Variants in EVI5 observed in about 807,000 individuals in gnomAD.
The protein encoded by EVI5 is ecotropic viral integration site 5, also known as ecotropic viral integration site 5 protein homolog.
Under a neutral mutation model 112.0 loss-of-function variants are expected in EVI5, and 73 were observed. The observed-to-expected ratio is 0.65, with a 90% CI of 0.54 to 0.79. The LOEUF is 0.79. Among genes scored for constraint, EVI5 ranks in the 30% least tolerant of loss-of-function variants. The pLI, the probability that EVI5 is intolerant of heterozygous loss-of-function variation, is 0.00. For missense variants in EVI5, 900 were observed against 968.8 expected (o/e 0.93, Z 0.94); for synonymous variants, 305 against 319.9 (o/e 0.95, Z 0.50).
intron 1 of EVI5, among the ~76,000 whole-genome samples, chr1:92,751,075 G>A (rs953676984): frequency 5.3e-5 from 8 of 152,108 alleles, no homozygotes; most frequent in African/African-American, 9.7e-5. Context: ...GCATGAACCC[G>A]GGAGGCAGAG....
intron 18 of EVI5, among the ~76,000 whole-genome samples, chr1:92,602,920 T>G (rs1249167101): frequency 6.6e-6 from 1 of 152,040 alleles, no homozygotes; most frequent in Admixed American, 6.6e-5. Context: ...ACAAACATAA[T>G]GGGAGAAAAT....
intron 2 of EVI5, among the ~76,000 whole-genome samples, chr1:92,708,655 T>C (rs1392122029): frequency 6.6e-6 from 1 of 151,944 alleles, no homozygotes; most frequent in Non-Finnish European, 1.5e-5. Context: ...CATCAAAAAC[T>C]TATATACAAG....
chr1:92,592,605 C>T (rs960096359), intron 18 of EVI5, among the ~76,000 whole-genome samples: 13 of 152,212 alleles, frequency 8.5e-5, no homozygotes, highest in African/African-American at 3.1e-4. Context: ...CATTAAAAGC[C>T]CTTCAAAAAA....
chr1:92,573,436 T>C (rs1371954957), intron 18 of EVI5, among the ~76,000 whole-genome samples: 1 of 152,064 alleles, frequency 6.6e-6, no homozygotes, highest in Admixed American at 6.6e-5. Context: ...ATCTCAAATA[T>C]TATTTTATAA....
chr1:92,772,226 A>C (rs1384721983), intron 1 of EVI5, among the ~76,000 whole-genome samples: 2 of 152,132 alleles, frequency 1.3e-5, no homozygotes, highest in Admixed American at 1.3e-4. Flanking sequence ...TATAGATGGC[A>C]GAGTGGAATG....
intron 19 of EVI5, among the ~76,000 whole-genome samples, chr1:92,534,512 G>C (rs1043413200): frequency 6.6e-6 from 1 of 152,072 alleles, no homozygotes; most frequent in Non-Finnish European, 1.5e-5. Context: ...AAGGTATCAC[G>C]CTACCTGACT....
chr1:92,577,974 G>A (rs1671339195), intron 18 of EVI5, among the ~76,000 whole-genome samples: 1 of 152,078 alleles, frequency 6.6e-6, no homozygotes, highest in African/African-American at 2.4e-5. Context: ...TTTAGTGCAA[G>A]GTAGCTTTTG....
intron 18 of EVI5, among the ~76,000 whole-genome samples, chr1:92,600,896 G>A (rs988562134): frequency 8.5e-5 from 13 of 152,110 alleles, no homozygotes; most frequent in Non-Finnish European, 1.3e-4. Context: ...CCCTTCATTT[G>A]GGTATAGTTT....
intron 19 of EVI5, among the ~76,000 whole-genome samples, chr1:92,559,773 CA>C (rs34723950): frequency 6.0e-3 from 283 of 47,480 alleles, no homozygotes; most frequent in African/African-American, 0.021. Context: ...GACTCCCTCT[CA>C]AAAAAAAAAA....
intron 2 of EVI5, among the ~76,000 whole-genome samples, chr1:92,715,837 C>A (rs1207491975): frequency 6.6e-6 from 1 of 152,114 alleles, no homozygotes; most frequent in Non-Finnish European, 1.5e-5. Flanking sequence ...GGGTCCCACA[C>A]CCACAGAGCT....
chr1:92,520,387 AT>A lies in EVI5; in HGVS notation c.2167-6418del, dbSNP rs537859713. 3.5e-3 allele frequency among the ~76,000 whole-genome samples: 537 copies of A among 152,310 alleles called. 2 individuals are homozygous for A. Among genetic ancestry groups the A allele is most frequent in the Non-Finnish European group, 6.0e-3 (409 of 68,022 alleles). On this transcript the variant is annotated intron_variant, in intron 19 of 19. Transcript: ENST00000684568. ...TTCTGTTGTGAGTGACAGTTATATA[AT>A]TCTAATGATGTAAATGTAAACTAAT...
At chr1:92,758,849 A>C (rs1255894240) in intron 1 of EVI5, among the ~76,000 whole-genome samples, 1 of 152,198 alleles carries the variant, frequency 6.6e-6, no homozygotes, top group Non-Finnish European at 1.5e-5. Flanking sequence ...ACATCAAAAA[A>C]AAAAGGTGAA....
chr1:92,606,958 C>CT, intron 17 of EVI5, among the ~76,000 whole-genome samples: 1 of 151,800 alleles, frequency 6.6e-6, no homozygotes, highest in Non-Finnish European at 1.5e-5. Context: ...TTCCATCTCA[C>CT]TGCCTTTCCC....
intron 18 of EVI5, among the ~76,000 whole-genome samples, chr1:92,576,463 A>G (rs1347288634): frequency 6.6e-6 from 1 of 152,200 alleles, no homozygotes; most frequent in African/African-American, 2.4e-5. Flanking sequence ...ATTTAACATG[A>G]CTTTATTTTT....
chr1:92,679,530 T>C (rs190808721), intron 9 of EVI5, among the ~76,000 whole-genome samples: 2 of 152,160 alleles, frequency 1.3e-5, no homozygotes, highest in South Asian at 2.1e-4. Context: ...TTCAATAAAC[T>C]TAATTTAAAA....
intron 2 of EVI5, among the ~76,000 whole-genome samples, chr1:92,728,038 G>A (rs958992393): frequency 9.4e-5 from 14 of 148,964 alleles, no homozygotes; most frequent in African/African-American, 3.4e-4. Flanking sequence ...TAGAATACAA[G>A]CAAAAGGCTG....
At chr1:92,552,269 A>G (rs1378664126) in intron 19 of EVI5, among the ~76,000 whole-genome samples, 2 of 152,178 alleles carry the variant, frequency 1.3e-5, no homozygotes, top group East Asian at 1.9e-4. Context: ...CCTAAGAAAT[A>G]TAAGGCTGAA....
chr1:92,595,102 A>G lies in EVI5; in HGVS notation c.2070+10205T>C, dbSNP rs538450285. Among the ~76,000 whole-genome samples the G allele has an allele frequency of 3.9e-3, 594 of 152,080 alleles. 3 individuals are homozygous for G. Among genetic ancestry groups the G allele is most frequent in the African/African-American group, 0.014 (576 of 41,518 alleles). On this transcript the variant is annotated intron_variant, in intron 18 of 19. Transcript: ENST00000684568. ...AGGATTATAAATCATGCTGCTATAAAGACACATGCACACGTATGTTTATTG... is the reference window on the plus strand; with the variant it reads ...AGGATTATAAATCATGCTGCTATAAGGACACATGCACACGTATGTTTATTG...
chr1:92,569,020 G>A (rs1030295009), intron 18 of EVI5, among the ~76,000 whole-genome samples: 4 of 152,160 alleles, frequency 2.6e-5, no homozygotes, highest in Non-Finnish European at 5.9e-5. Flanking sequence ...GTGTTGTTCA[G>A]GAGTCAATGT....
Sources: allele counts gnomAD v4.1 joint callset (sites outside exome capture counted in the v4.1 genomes callset), GRCh38; gene constraint gnomAD v4.1.1; transcripts MANE v1.5; gene names NCBI Gene and HGNC (gene_info 2026-07-23, HGNC 2026-07-21).